The following FUBP1 variants were observed in gnomAD, a reference collection of about 807,000 sequenced individuals.
FUBP1 encodes the protein far upstream element-binding protein 1.
A neutral mutation model predicts 94.9 loss-of-function variants in FUBP1; 16 were observed. The observed-to-expected ratio is 0.17, with a 90% confidence interval of 0.11 to 0.26. FUBP1 has a LOEUF of 0.26. Among genes scored for constraint, FUBP1 ranks in the 10% least tolerant of loss-of-function variants. The pLI is 1.00. For missense variants in FUBP1, 583 were observed against 808.6 expected (o/e 0.72, Z 3.38); for synonymous variants, 279 against 254.9 (o/e 1.09, Z -0.90).
Position 77,962,836 on chromosome 1 carries a change from T to C in FUBP1, c.1278A>G (p.Leu426=), listed in dbSNP as rs1284645437. Residue 426 remains leucine, a synonymous_variant, in exon 14 of 20, where the codon TTA becomes TTG. Transcript: ENST00000370768. The stretch of plus-strand genomic sequence containing the variant: ...GTTGTGGAGTGCCACGAATTGTAAA[T>C]AACTTCATATTAGGATCTGCATTTG... ...PPPNADPNMK[L]FTIRGTPQQI... The C allele has an allele frequency of 2.5e-6, 4 of 1,611,766 alleles. No homozygotes were observed.
Position 77,964,173 on chromosome 1 carries a change from AAG to A in FUBP1, c.941-13_941-12del. On this transcript the variant is annotated splice_polypyrimidine_tract_variant and intron_variant, in intron 11 of 19. Coordinates refer to ENST00000370768, the MANE Select transcript of FUBP1 (RefSeq NM_003902.5). ...GTGTTGTCCCATCATCTTCAAAACAAAGAAACAAAATTAATTAAACAATAAAT... is the reference window on the plus strand; with the variant it reads ...GTGTTGTCCCATCATCTTCAAAACAAAAACAAAATTAATTAAACAATAAAT... The A allele has an allele frequency of 4.4e-6, 7 of 1,586,084 alleles. No homozygotes were observed. The highest frequency in any genetic ancestry group is 5.2e-6 in the Non-Finnish European group (6 of 1,154,482).
At chr1:77,960,014 ATATTCATGTCAGTCC>A in intron 16 of FUBP1, among the ~76,000 whole-genome samples, 155 bp downstream of exon 16, 1 of 152,240 alleles carries the variant, frequency 6.6e-6, no homozygotes, top group East Asian at 1.9e-4. Flanking sequence ...AGCAGAGCTC[ATATTCATGTCAGTCC>A]TATACACTGG....
chr1:77,965,337 G>A (rs1019323057), intron 7 of FUBP1, 106 bp from the exon 8 acceptor site: 10 of 587,284 alleles, frequency 1.7e-5, no homozygotes, highest in East Asian at 1.4e-4. Context: ...TCCCAGTTCA[G>A]GATTAGGTGC....
chr1:77,967,202 AT>A, intron 4 of FUBP1, 101 bp from the exon 5 acceptor site: 1 of 738,300 alleles, frequency 1.4e-6, no homozygotes, highest in African/African-American at 1.8e-5. Flanking sequence ...ATGTCTCCCA[AT>A]GGCTTAAACT....
chr1:77,952,871 C>A (rs1653746898), intron 18 of FUBP1, among the ~76,000 whole-genome samples: 1 of 152,208 alleles, frequency 6.6e-6, no homozygotes, highest in Non-Finnish European at 1.5e-5. Flanking sequence ...GGCGCAGTGG[C>A]TCACACCTGT....
chr1:77,957,630 G>T (rs1443899689), intron 16 of FUBP1, among the ~76,000 whole-genome samples: 2 of 152,088 alleles, frequency 1.3e-5, no homozygotes, highest in East Asian at 3.8e-4. Flanking sequence ...CTGAACAGTA[G>T]CAATTCTCAG....
upstream of FUBP1, chr1:77,979,136 G>A: frequency 3.3e-6 from 3 of 899,986 alleles, no homozygotes; most frequent in East Asian, 2.7e-5. Context: ...AAGGGGCGGA[G>A]ACTGAAGGAA....
At chr1:77,963,030 G>A in intron 13 of FUBP1, 100 bp from the exon 14 acceptor site, 2 of 705,280 alleles carry the variant, frequency 2.8e-6, no homozygotes, top group Admixed American at 2.6e-5. Context: ...TAAAAATATG[G>A]TTTGGTCAGT....
At chr1:77,977,430 G>C (rs1658854852) in intron 1 of FUBP1, among the ~76,000 whole-genome samples, 1 of 152,228 alleles carries the variant, frequency 6.6e-6, no homozygotes, top group African/African-American at 2.4e-5. Context: ...GGAGGCTGAG[G>C]CAGGAGAATT....
chr1:77,945,893 C>A lies in FUBP1; in HGVS notation c.*2873G>T. ...AAAATATTATTAAATCAGAAAAATA[C>A]TGATTGCTACAGATTATGAAAGGTT... is the stretch of plus-strand genomic sequence containing the variant. On this transcript the variant is annotated 3_prime_UTR_variant, in exon 20 of 20. Coordinates refer to ENST00000370768, the MANE Select transcript of FUBP1 (RefSeq NM_003902.5). 4.8e-6 allele frequency: 1 copy of A among 208,260 alleles called. No homozygotes were observed. The highest frequency in any genetic ancestry group is 7.3e-5 in the East Asian group (1 of 13,746). 12.9% of individuals were successfully genotyped at this position (208,260 alleles called of 1,614,324 possible). A position where few individuals can be genotyped will look rare whatever the true frequency, so the allele number is the denominator to read the frequency against.
intron 18 of FUBP1, among the ~76,000 whole-genome samples, chr1:77,953,948 T>C (rs1653976319): frequency 6.6e-6 from 1 of 152,144 alleles, no homozygotes; most frequent in South Asian, 2.1e-4. Context: ...AGGGACCCTA[T>C]CTAGGGGACA....
In FUBP1 at chr1:77,948,245, A is replaced by T; in HGVS notation, c.*521T>A. 9.5e-7 allele frequency: 1 copy of T among 1,055,350 alleles called. No homozygotes were observed. The allele number at this position is 1,055,350 out of a possible 1,614,324, so 65.4% of individuals were successfully genotyped here. On this transcript the variant is annotated 3_prime_UTR_variant, in exon 20 of 20. Coordinates refer to ENST00000370768, the MANE Select transcript of FUBP1 (RefSeq NM_003902.5). Reference sequence around the variant, plus strand: ...ATACAATAAATGGAAAAGATCCTCCAATCTACCACTATACTGCAAGGGGGG... The same window carrying T: ...ATACAATAAATGGAAAAGATCCTCCTATCTACCACTATACTGCAAGGGGGG...
Position 77,964,854 on chromosome 1 carries a change from A to G in FUBP1, c.735+16T>C, listed in dbSNP as rs774915493. 1.6e-5 allele frequency: 25 copies of G among 1,557,218 alleles called. No individual in the cohort carries two copies. The highest frequency in any genetic ancestry group is 1.7e-4 in the Middle Eastern group (1 of 5,974). On this transcript the variant is annotated intron_variant, in intron 9 of 19. Transcript: ENST00000370768. ...TCAACCCACTCTTTCTTTATAAAGTATAAAGTTAAGTTTACTTGAACTTTA... is the reference window on the plus strand; with the variant it reads ...TCAACCCACTCTTTCTTTATAAAGTGTAAAGTTAAGTTTACTTGAACTTTA...
intron 14 of FUBP1, chr1:77,960,767 T>C (rs1438306764): frequency 3.0e-6 from 1 of 335,044 alleles, no homozygotes; most frequent in Non-Finnish European, 5.4e-6. Flanking sequence ...TTAGCTTGTT[T>C]GCGGACAGCA....
rs1652645169 is a variant in FUBP1 at position 77,948,499 on chromosome 1, C to G, written c.*267G>C. On this transcript the variant is annotated 3_prime_UTR_variant, in exon 20 of 20. Coordinates refer to ENST00000370768, the MANE Select transcript of FUBP1 (RefSeq NM_003902.5). ...TACATTTATATCACAAAGCATCAACCACATAATTGCAAATACATTTGCTGG... is the reference window on the plus strand; with the variant it reads ...TACATTTATATCACAAAGCATCAACGACATAATTGCAAATACATTTGCTGG... 2 of 1,227,456 alleles carry G rather than the reference C, an allele frequency of 1.6e-6. No individual in the cohort carries two copies. The highest frequency in any genetic ancestry group is 2.0e-6 in the Non-Finnish European group (2 of 979,748). 76.0% of individuals were successfully genotyped at this position (1,227,456 alleles called of 1,614,324 possible). A position where few individuals can be genotyped will look rare whatever the true frequency, so the allele number is the denominator to read the frequency against.
intron 17 of FUBP1, among the ~76,000 whole-genome samples, chr1:77,955,680 G>C (rs1654315210): frequency 6.6e-6 from 1 of 152,242 alleles, no homozygotes; most frequent in Admixed American, 6.5e-5. Flanking sequence ...AACGGATGTG[G>C]TGATATGAAC....
chr1:77,978,563 T>G (rs1421750068), intron 1 of FUBP1, among the ~76,000 whole-genome samples: 2 of 152,244 alleles, frequency 1.3e-5, no homozygotes, highest in African/African-American at 4.8e-5. Flanking sequence ...TGTGTGAAAC[T>G]AACTGCGCTT....
rs1652586507 is a variant in FUBP1 at position 77,948,191 on chromosome 1, T to TA, written c.*574dup. On this transcript the variant is annotated 3_prime_UTR_variant, in exon 20 of 20. Coordinates refer to ENST00000370768, the MANE Select transcript of FUBP1 (RefSeq NM_003902.5). ...CAAACAGAAGGAAAAAAAATGAAGA[T>TA]ATCAGGATTACTTGTGCTGAAAGAG... is the stretch of plus-strand genomic sequence containing the variant. The TA allele has an allele frequency of 9.6e-6, 10 of 1,046,564 alleles. No homozygotes were observed. In the South Asian group the frequency reaches 4.6e-4, roughly 48 times the overall value. 64.8% of individuals were successfully genotyped at this position (1,046,564 alleles called of 1,614,324 possible).
rs1571185737 is a variant in FUBP1 at position 77,944,805 on chromosome 1, A to G, written c.*3961T>C. On this transcript the variant is annotated 3_prime_UTR_variant, in exon 20 of 20. Coordinates refer to ENST00000370768, the MANE Select transcript of FUBP1 (RefSeq NM_003902.5). ...AAGATATATTTTACAATGTTTATAAACAACTAGTATCAAATTACTAGTTTT... is the reference window on the plus strand; with the variant it reads ...AAGATATATTTTACAATGTTTATAAGCAACTAGTATCAAATTACTAGTTTT... Among the ~76,000 whole-genome samples, 3 of 152,106 alleles carry G rather than the reference A, an allele frequency of 2.0e-5. No individual in the cohort carries two copies. The South Asian group carries it at 6.2e-4, about 32-fold the overall frequency.
Sources: gnomAD v4.1 joint callset for allele counts (sites outside exome capture counted in the v4.1 genomes callset) on GRCh38, gnomAD v4.1.1 for gene constraint, MANE v1.5 for transcripts, NCBI Gene and HGNC (gene_info 2026-07-23, HGNC 2026-07-21) for gene names.